NCKAP5: variants seen among roughly 807,000 people sequenced by gnomAD.
NCKAP5 encodes the protein nck-associated protein 5.
NCKAP5 carries 92 observed loss-of-function variants against 167.0 expected under a neutral mutation model. The ratio of observed to expected loss-of-function variants is 0.55; its 90% CI spans 0.47 to 0.66. The LOEUF is 0.66. Among genes scored for constraint, NCKAP5 ranks in the 30% least tolerant of loss-of-function variants. NCKAP5 has a pLI of 0.00. For synonymous variants in NCKAP5, 891 were observed against 877.4 expected, an observed-to-expected ratio of 1.02 and a Z score of -0.27; for missense variants, 2,378 against 2,315.0, an observed-to-expected ratio of 1.03 and a Z score of -0.56.
At chr2:132,749,828 G>T (rs1238174599) in intron 16 of NCKAP5, among the ~76,000 whole-genome samples, 1 of 152,140 alleles carries the variant, frequency 6.6e-6, no homozygotes, top group African/African-American at 2.4e-5. Flanking sequence ...TGGTTAACTG[G>T]CTGGCAGATG....
intron 7 of NCKAP5, among the ~76,000 whole-genome samples, chr2:132,981,843 TGGA>T (rs2077150181): frequency 6.6e-6 from 1 of 152,220 alleles, no homozygotes; most frequent in African/African-American, 2.4e-5. Context: ...TGATGCTTTA[TGGA>T]GGAGATTTCA....
chr2:133,047,133 A>T, intron 6 of NCKAP5, among the ~76,000 whole-genome samples: 1 of 152,190 alleles, frequency 6.6e-6, no homozygotes, highest in African/African-American at 2.4e-5. Flanking sequence ...ATGATTGCAA[A>T]CTGTACACTG....
chr2:133,135,297 G>A (rs538438492), intron 5 of NCKAP5, among the ~76,000 whole-genome samples: 21 of 152,320 alleles, frequency 1.4e-4, no homozygotes, highest in African/African-American at 4.8e-4. Flanking sequence ...CAGGCAGAGG[G>A]AGAGGCAAGT....
At chr2:132,935,182 T>C (rs555548192) in intron 8 of NCKAP5, among the ~76,000 whole-genome samples, 2 of 152,342 alleles carry the variant, frequency 1.3e-5, no homozygotes, top group South Asian at 2.1e-4. Context: ...TTGGGTGATA[T>C]GTTAAGTAGA....
chr2:133,625,868 C>A, the NCKAP5 span, among the ~76,000 whole-genome samples: 5 of 109,574 alleles, frequency 4.6e-5, no homozygotes, highest in Non-Finnish European at 1.8e-5. Flanking sequence ...CGAGACTTGT[C>A]TCAAAAAAAA....
chr2:133,304,663 G>C (rs1680646641), intron 3 of NCKAP5, among the ~76,000 whole-genome samples: 1 of 152,170 alleles, frequency 6.6e-6, no homozygotes, highest in African/African-American at 2.4e-5. Context: ...TTGTTCCCAA[G>C]TAGAAATAAA....
In NCKAP5 at chr2:132,783,971, T is replaced by G. The variant is rs761519227; in HGVS notation, c.2840A>C (p.Tyr947Ser). Residue 947 changes from tyrosine (Y) to serine (S), a missense_variant, in exon 14 of 20, where the codon TAT (tyrosine) becomes TCT (serine). Physicochemically the swap from Tyr to Ser is moderately radical, Grantham distance 144 (BLOSUM62 -2). Coordinates refer to ENST00000409261, the MANE Select transcript of NCKAP5 (RefSeq NM_207363.3). ...VSLLARPSYDYSPAPSSTKSE... is the reference protein window; with the variant it reads ...VSLLARPSYDSSPAPSSTKSE... ...CTTGGTGGATGAAGGTGCTGGTGAA[T>G]AGTCATAGCTGGGCCTGGCCAGCAG... is the stretch of plus-strand genomic sequence containing the variant. 3.1e-6 allele frequency: 5 copies of G among 1,597,420 alleles called. No homozygotes were observed. In the South Asian group the frequency reaches 5.7e-5, roughly 18 times the overall value.
intron 3 of NCKAP5, among the ~76,000 whole-genome samples, chr2:133,406,241 A>G (rs892904330): frequency 6.6e-6 from 1 of 152,230 alleles, no homozygotes; most frequent in African/African-American, 2.4e-5. Context: ...CCGAATAAAG[A>G]CACTTTCCTT....
At chr2:132,712,184 T>G (rs967763631) in intron 19 of NCKAP5, among the ~76,000 whole-genome samples, 4 of 152,108 alleles carry the variant, frequency 2.6e-5, no homozygotes, top group African/African-American at 9.7e-5. Flanking sequence ...ACACTGGCAG[T>G]CAGAGGATGT....
At chr2:133,213,160 A>C (rs1559275197) in intron 5 of NCKAP5, among the ~76,000 whole-genome samples, 1 of 152,210 alleles carries the variant, frequency 6.6e-6, no homozygotes, top group East Asian at 1.9e-4. Flanking sequence ...GACAGTCTAT[A>C]AAATGAAGTT....
intron 3 of NCKAP5, among the ~76,000 whole-genome samples, chr2:133,407,450 C>T (rs1574898668): frequency 6.6e-6 from 1 of 152,178 alleles, no homozygotes; most frequent in South Asian, 2.1e-4. Context: ...AGCAATTTGG[C>T]AAGCCTAGGA....
chr2:132,742,921 T>G (rs1679327990), intron 16 of NCKAP5, among the ~76,000 whole-genome samples: 1 of 151,882 alleles, frequency 6.6e-6, no homozygotes, highest in South Asian at 2.1e-4. Flanking sequence ...CTACCCTCCA[T>G]TCACCAATAT....
intron 8 of NCKAP5, among the ~76,000 whole-genome samples, chr2:132,896,415 C>A (rs1693214778): frequency 6.6e-6 from 1 of 152,146 alleles, no homozygotes; most frequent in Non-Finnish European, 1.5e-5. Context: ...CTCCTTCTAG[C>A]TTTTAAAATT....
intron 7 of NCKAP5, among the ~76,000 whole-genome samples, chr2:132,966,921 AC>A (rs1372422723): frequency 1.3e-5 from 2 of 152,182 alleles, no homozygotes; most frequent in African/African-American, 4.8e-5. Flanking sequence ...TAAATAGACC[AC>A]AAACAGGATA....
intron 6 of NCKAP5, among the ~76,000 whole-genome samples, chr2:133,120,808 G>A (rs950778713): frequency 6.6e-6 from 1 of 152,172 alleles, no homozygotes; most frequent in South Asian, 2.1e-4. Flanking sequence ...CCCCAGAAAT[G>A]GCCATTCTAC....
the NCKAP5 span, among the ~76,000 whole-genome samples, chr2:133,582,516 T>A: frequency 6.6e-6 from 1 of 152,226 alleles, no homozygotes; most frequent in African/African-American, 2.4e-5. Context: ...GTTAATTCCC[T>A]GCTTCTATAC....
chr2:132,879,051 CT>C (rs1207386048), intron 8 of NCKAP5, 135 bp from the exon 9 acceptor site: 1 of 690,304 alleles, frequency 1.4e-6, no homozygotes, highest in African/African-American at 1.8e-5. Context: ...GACAAGTTCA[CT>C]CTAAGTACTA....
At chr2:132,962,287 C>A (rs894221902) in intron 8 of NCKAP5, among the ~76,000 whole-genome samples, 1 of 152,140 alleles carries the variant, frequency 6.6e-6, no homozygotes. Flanking sequence ...TAATTACACA[C>A]GTAATCCTCG....
chr2:132,948,699 T>C (rs2076074148), intron 8 of NCKAP5, among the ~76,000 whole-genome samples: 1 of 152,004 alleles, frequency 6.6e-6, no homozygotes, highest in Admixed American at 6.6e-5. Flanking sequence ...CAGAAGGAAA[T>C]CTTGGCCAAT....
Sources: gnomAD v4.1 joint callset for allele counts (sites outside exome capture counted in the v4.1 genomes callset) on GRCh38, gnomAD v4.1.1 for gene constraint, MANE v1.5 for transcripts, NCBI Gene and HGNC (gene_info 2026-07-23, HGNC 2026-07-21) for gene names.